ARPC5: variants seen among roughly 807,000 people sequenced by gnomAD.
ARPC5 encodes the protein actin-related protein 2/3 complex subunit 5.
Under a neutral mutation model 15.4 loss-of-function variants are expected in ARPC5, and 5 were observed. That is an observed-to-expected ratio of 0.32 (90% CI 0.17 to 0.68). The LOEUF (loss-of-function observed/expected upper bound fraction) is 0.68, where lower values mean the gene tolerates loss of function less well. ARPC5 is among the 30% of genes least tolerant of loss of function. The probability of loss-of-function intolerance (pLI) is 0.71; values close to 1 mark genes in which losing one functional copy is unlikely to be tolerated. For synonymous variants in ARPC5, 85 were observed against 72.2 expected (o/e 1.18, Z -0.90); for missense variants, 138 against 192.8 (o/e 0.72, Z 1.68).
intron 2 of ARPC5, chr1:183,631,244 A>G (rs1649254066): frequency 6.6e-6 from 1 of 151,968 alleles, no homozygotes; most frequent in Non-Finnish European, 1.5e-5. Flanking sequence ...CAATTTATTA[A>G]AACAACATTT....
chr1:183,628,065 C>T (rs941660688), intron 3 of ARPC5, among the ~76,000 whole-genome samples: 9 of 146,926 alleles, frequency 6.1e-5, no homozygotes, highest in Non-Finnish European at 1.0e-4. Flanking sequence ...CCCAGCTACT[C>T]GGGAGGCTGA....
chr1:183,620,873 T>G lies in ARPC5; in HGVS notation c.*6659A>C, dbSNP rs1241188413. On this transcript the variant is annotated 3_prime_UTR_variant, in exon 4 of 4. Transcript: ENST00000359856. ...AAAATAAAAATAACCTTTTTATTTA[T>G]AGTAAAAGCTATTATAAAGCGAAAC... is the stretch of plus-strand genomic sequence containing the variant. The G allele has an allele frequency of 6.6e-6, 1 of 152,076 alleles. No individual in the cohort carries two copies. The highest frequency in any genetic ancestry group is 1.9e-4 in the East Asian group (1 of 5,202). The allele number at this position is 152,076 out of a possible 1,614,324, so 9.4% of individuals were successfully genotyped here. A position where few individuals can be genotyped will look rare whatever the true frequency, so the allele number is the denominator to read the frequency against.
In ARPC5 at chr1:183,628,036, G is replaced by A. The variant is rs549735669; in HGVS notation, c.394-442C>T. On this transcript the variant is annotated intron_variant, in intron 3 of 3. Coordinates refer to ENST00000359856, the MANE Select transcript of ARPC5 (RefSeq NM_005717.4). Reference sequence around the variant, plus strand: ...AAAATACAAAAAATTAGCCGGGCGTGGTGGCGGGTGCCTGTAGTCCCAGCT... The same window carrying A: ...AAAATACAAAAAATTAGCCGGGCGTAGTGGCGGGTGCCTGTAGTCCCAGCT... 9.6e-4 allele frequency among the ~76,000 whole-genome samples: 146 copies of A among 152,046 alleles called. 1 individual carries two copies. The highest frequency in any genetic ancestry group is 3.4e-3 in the African/African-American group (143 of 41,478).
intron 2 of ARPC5, 69 bp downstream of exon 2, chr1:183,633,013 G>C (rs1421950683): frequency 4.5e-6 from 5 of 1,108,384 alleles, no homozygotes; most frequent in Non-Finnish European, 5.2e-6. Flanking sequence ...ATTTTTTTTT[G>C]CAACTGCAGA....
In ARPC5 at chr1:183,621,143, A is replaced by G. The variant is rs1359824428; in HGVS notation, c.*6389T>C. ...AAAAAATGTTTTATGACAAACACAT[A>G]GAATAGGTAAAGGGGTGGGAAAACA... On this transcript the variant is annotated 3_prime_UTR_variant, in exon 4 of 4. Coordinates refer to ENST00000359856, the MANE Select transcript of ARPC5 (RefSeq NM_005717.4). 1 of 152,232 alleles carries G rather than the reference A, an allele frequency of 6.6e-6. No homozygotes were observed. Among genetic ancestry groups the G allele is most frequent in the Non-Finnish European group, 1.5e-5 (1 of 68,026 alleles). The allele number at this position is 152,232 out of a possible 1,614,324, so 9.4% of individuals were successfully genotyped here.
intron 2 of ARPC5, chr1:183,631,048 G>GA (rs1200917554): frequency 6.4e-6 from 1 of 156,816 alleles, no homozygotes; most frequent in Admixed American, 6.4e-5. Flanking sequence ...CTATGTTACA[G>GA]AAAATAAGCT....
At position 183,626,761 on chromosome 1, in the gene ARPC5, T is replaced by C. The variant is rs1043667210; in HGVS notation, c.*771A>G. 2 of 152,570 alleles carry C rather than the reference T, an allele frequency of 1.3e-5. No individual in the cohort carries two copies. The highest frequency in any genetic ancestry group is 6.5e-5 in the Admixed American group (1 of 15,286). 9.5% of individuals were successfully genotyped at this position (152,570 alleles called of 1,614,324 possible). A position where few individuals can be genotyped will look rare whatever the true frequency, so the allele number is the denominator to read the frequency against. ...TTTTCTTTCTTTCTGCAAATCATTCTTTCTGATTTGCAGTTTTTTCCAAAC... is the reference window on the plus strand; with the variant it reads ...TTTTCTTTCTTTCTGCAAATCATTCCTTCTGATTTGCAGTTTTTTCCAAAC... On this transcript the variant is annotated 3_prime_UTR_variant, in exon 4 of 4. Transcript: ENST00000359856.
chr1:183,630,393 G>C (rs1311195508), intron 3 of ARPC5, 68 bp downstream of exon 3: 7 of 1,259,684 alleles, frequency 5.6e-6, no homozygotes, highest in Admixed American at 2.4e-5. Flanking sequence ...ATTTAGGTGA[G>C]AGAGGTTGTC....
chr1:183,634,766 C>A (rs1032129978), intron 1 of ARPC5, among the ~76,000 whole-genome samples: 1 of 152,144 alleles, frequency 6.6e-6, no homozygotes, highest in Admixed American at 6.5e-5. Flanking sequence ...CACACGCATT[C>A]CCCGTTGTTT....
intron 3 of ARPC5, 141 bp downstream of exon 3, chr1:183,630,320 T>C (rs974068924): frequency 3.2e-6 from 2 of 632,984 alleles, no homozygotes; most frequent in Non-Finnish European, 5.0e-6. Context: ...AACATAAATA[T>C]GAACTATCCT....
At position 183,622,259 on chromosome 1, in the gene ARPC5, A is replaced by G. The variant is rs1472390733; in HGVS notation, c.*5273T>C. ...GTGGAATGGAAAATTACCACAGTACATATTTCTTACCTTTTGAATATTGAA... is the reference window on the plus strand; with the variant it reads ...GTGGAATGGAAAATTACCACAGTACGTATTTCTTACCTTTTGAATATTGAA... On this transcript the variant is annotated 3_prime_UTR_variant, in exon 4 of 4. Coordinates refer to ENST00000359856, the MANE Select transcript of ARPC5 (RefSeq NM_005717.4). 2 of 152,248 alleles carry G rather than the reference A, an allele frequency of 1.3e-5. No individual in the cohort carries two copies. Among genetic ancestry groups the G allele is most frequent in the Admixed American group, 6.5e-5 (1 of 15,284 alleles). 9.4% of individuals were successfully genotyped at this position (152,248 alleles called of 1,614,324 possible).
chr1:183,635,312 C>T (rs890368139), intron 1 of ARPC5, among the ~76,000 whole-genome samples: 2 of 152,172 alleles, frequency 1.3e-5, no homozygotes, highest in Non-Finnish European at 2.9e-5. Context: ...AAGAGTGGGA[C>T]CCTCGCGTCT....
chr1:183,632,894 A>G, intron 2 of ARPC5, 188 bp downstream of exon 2: 2 of 461,368 alleles, frequency 4.3e-6, no homozygotes, highest in Non-Finnish European at 7.6e-6. Context: ...CTTACCATGC[A>G]GCATTATCAT....
Position 183,623,616 on chromosome 1 carries a change from C to T in ARPC5, c.*3916G>A, listed in dbSNP as rs371161051. On this transcript the variant is annotated 3_prime_UTR_variant, in exon 4 of 4. Transcript: ENST00000359856. ...TAAGGGCACTTGGTTCTACAGAGGC[C>T]GTTGGTCTGTTCCTTAATTGGGTGT... The T allele has an allele frequency of 6.3e-6, 7 of 1,115,116 alleles. No homozygotes were observed. The highest frequency in any genetic ancestry group is 2.6e-5 in the East Asian group (1 of 38,604). 69.1% of individuals were successfully genotyped at this position (1,115,116 alleles called of 1,614,324 possible). A position where few individuals can be genotyped will look rare whatever the true frequency, so the allele number is the denominator to read the frequency against.
intron 3 of ARPC5, among the ~76,000 whole-genome samples, chr1:183,629,779 T>C (rs930096809): frequency 1.3e-5 from 2 of 152,216 alleles, no homozygotes; most frequent in African/African-American, 2.4e-5. Context: ...TAAAATCCAT[T>C]GGCATTAATT....
In ARPC5 at chr1:183,633,239, T is replaced by C. The variant is rs2231236; in HGVS notation, c.144-85A>G. On this transcript the variant is annotated intron_variant, in intron 1 of 3. Coordinates refer to ENST00000359856, the MANE Select transcript of ARPC5 (RefSeq NM_005717.4). ...TGGTTCTTATGACTTGATTTACATA[T>C]AAAAAGAAAATTACTTTGGTCACTA... is the stretch of plus-strand genomic sequence containing the variant. 20 of 931,156 alleles carry C rather than the reference T, an allele frequency of 2.1e-5. No individual in the cohort carries two copies. The East Asian group carries it at 5.5e-4, about 25-fold the overall frequency. The allele number at this position is 931,156 out of a possible 1,614,324, so 57.7% of individuals were successfully genotyped here.
intron 2 of ARPC5, chr1:183,631,793 T>C (rs1220300268): frequency 6.6e-6 from 1 of 152,208 alleles, no homozygotes; most frequent in African/African-American, 2.4e-5. Context: ...ATGATCTTTT[T>C]TCTTTGGCAA....
chr1:183,627,471 T>G lies in ARPC5; in HGVS notation c.*61A>C. The stretch of plus-strand genomic sequence containing the variant: ...CCACAGGGCAGCGGTGGCATTTGGT[T>G]GTTTTGGTCTTTGTACCAGCAATTC... On this transcript the variant is annotated 3_prime_UTR_variant, in exon 4 of 4. Coordinates refer to ENST00000359856, the MANE Select transcript of ARPC5 (RefSeq NM_005717.4). The G allele has an allele frequency of 6.9e-7, 1 of 1,442,328 alleles. No individual in the cohort carries two copies. The highest frequency in any genetic ancestry group is 9.8e-7 in the Non-Finnish European group (1 of 1,024,056). 89.3% of individuals were successfully genotyped at this position (1,442,328 alleles called of 1,614,324 possible).
chr1:183,623,621 G>C lies in ARPC5; in HGVS notation c.*3911C>G, dbSNP rs1248588083. The C allele has an allele frequency of 3.7e-5, 38 of 1,034,500 alleles. No homozygotes were observed. Among genetic ancestry groups the C allele is most frequent in the Non-Finnish European group, 5.5e-5 (38 of 694,174 alleles). 64.1% of individuals were successfully genotyped at this position (1,034,500 alleles called of 1,614,324 possible). A position where few individuals can be genotyped will look rare whatever the true frequency, so the allele number is the denominator to read the frequency against. On this transcript the variant is annotated 3_prime_UTR_variant, in exon 4 of 4. Transcript: ENST00000359856. ...GCACTTGGTTCTACAGAGGCCGTTG[G>C]TCTGTTCCTTAATTGGGTGTGTTTT...
Sources: gnomAD v4.1 joint callset for allele counts (sites outside exome capture counted in the v4.1 genomes callset) on GRCh38, gnomAD v4.1.1 for gene constraint, MANE v1.5 for transcripts, NCBI Gene and HGNC (gene_info 2026-07-23, HGNC 2026-07-21) for gene names.